MAGI2: variants seen among roughly 807,000 people sequenced by gnomAD.
The protein encoded by MAGI2 is membrane-associated guanylate kinase, WW and PDZ domain-containing protein 2.
Under a neutral mutation model 133.3 loss-of-function variants are expected in MAGI2, and 35 were observed. The ratio of observed to expected loss-of-function variants is 0.26; its 90% CI spans 0.20 to 0.35. The LOEUF (loss-of-function observed/expected upper bound fraction) is 0.35, where lower values mean the gene tolerates loss of function less well. Among genes scored for constraint, MAGI2 ranks in the 10% least tolerant of loss-of-function variants. The pLI is 1.00. For synonymous variants in MAGI2, 729 were observed against 710.6 expected (o/e 1.03, Z -0.41); for missense variants, 1,636 against 1,863.4 (o/e 0.88, Z 2.25).
chr7:79,034,515 T>A (rs980999579), intron 1 of MAGI2, among the ~76,000 whole-genome samples: 21 of 152,194 alleles, frequency 1.4e-4, no homozygotes, highest in Admixed American at 1.4e-3. Flanking sequence ...CCCATGTAAT[T>A]TGTATTTCCT....
chr7:79,390,202 A>C (rs1044935412), intron 1 of MAGI2, among the ~76,000 whole-genome samples: 2 of 152,128 alleles, frequency 1.3e-5, no homozygotes, highest in African/African-American at 4.8e-5. Flanking sequence ...ATGGCTCCTA[A>C]AAATGTCTGA....
At chr7:78,668,878 C>A (rs1037855612) in intron 2 of MAGI2, among the ~76,000 whole-genome samples, 41 of 151,530 alleles carry the variant, frequency 2.7e-4, no homozygotes, top group Non-Finnish European at 5.6e-4. Flanking sequence ...CCAATGAGAA[C>A]AAAGACACAA....
rs1398556724 is a variant in MAGI2 at position 78,669,465 on chromosome 7, G to A, written c.419-42226C>T. Among the ~76,000 whole-genome samples, 4 of 152,222 alleles carry A rather than the reference G, an allele frequency of 2.6e-5. No individual in the cohort carries two copies. The East Asian group carries it at 7.7e-4, about 29-fold the overall frequency. On this transcript the variant is annotated intron_variant, in intron 2 of 21. Coordinates refer to ENST00000354212, the MANE Select transcript of MAGI2 (RefSeq NM_012301.4). The stretch of plus-strand genomic sequence containing the variant: ...GCCAAAAAGAGTCCAGGACCAGATG[G>A]ATTCACAGCCAAATTCTACCAGAGG...
chr7:78,277,884 T>C (rs1467209406), intron 9 of MAGI2, among the ~76,000 whole-genome samples: 2 of 151,866 alleles, frequency 1.3e-5, no homozygotes, highest in East Asian at 3.9e-4. Flanking sequence ...AGGTAGAAAA[T>C]GCATAGAAAA....
chr7:78,132,923 G>T lies in MAGI2; in HGVS notation c.3169C>A (p.Pro1057Thr), dbSNP rs778616342. The change falls in exon 18 of 22, where the codon CCT becomes ACT. Residue 1057 changes from proline to threonine, a missense_variant. Physicochemically the swap from Pro to Thr is conservative, Grantham distance 38. This residue lies in a region of MAGI2 where 920 missense variants were observed against 1,093.5 expected (regional missense o/e 0.84). Transcript: ENST00000354212. The stretch of plus-strand genomic sequence containing the variant: ...TGTCCTTGCAGCTGAAGTGGTTGAG[G>T]TGGTGCTGGCTGGGCGATGGGGCTG... ...PNSPIAQPAP[P>T]QPLQLQGHEN... 6.2e-7 allele frequency: 1 copy of T among 1,614,052 alleles called. No homozygotes were observed. The highest frequency in any genetic ancestry group is 8.5e-7 in the Non-Finnish European group (1 of 1,179,984).
At chr7:79,007,233 AG>A in intron 1 of MAGI2, 27 bp from the exon 2 acceptor site, 1 of 1,352,298 alleles carries the variant, frequency 7.4e-7, no homozygotes. Flanking sequence ...TTTCTTGGTA[AG>A]GGATGTTGGA....
intron 2 of MAGI2, among the ~76,000 whole-genome samples, chr7:78,646,981 T>C (rs1023969031): frequency 5.3e-5 from 8 of 152,206 alleles, no homozygotes; most frequent in Non-Finnish European, 1.0e-4. Flanking sequence ...TAAATTACTA[T>C]AACCGCCTTG....
chr7:78,114,009 A>G (rs1383712732), intron 20 of MAGI2, among the ~76,000 whole-genome samples: 2 of 152,172 alleles, frequency 1.3e-5, no homozygotes, highest in Admixed American at 6.5e-5. Flanking sequence ...CTGGTATTTG[A>G]TCAAAGCTAT....
intron 6 of MAGI2, chr7:78,485,064 T>C (rs1792842052): frequency 6.6e-6 from 1 of 151,986 alleles, no homozygotes; most frequent in Non-Finnish European, 1.5e-5. Flanking sequence ...CCAGCAATGC[T>C]CATGGGATGT....
Position 78,905,344 on chromosome 7 carries a change from G to C in MAGI2, c.418+101746C>G, listed in dbSNP as rs373125177. 2.6e-4 allele frequency among the ~76,000 whole-genome samples: 39 copies of C among 152,274 alleles called. No homozygotes were observed. In the Middle Eastern group the frequency reaches 0.01, roughly 40 times the overall value. ...TCACTCCTCTCACCTTGACCCCAAG[G>C]TTAGGAGCAACTTAAATTAGTAATC... On this transcript the variant is annotated intron_variant, in intron 2 of 21. Coordinates refer to ENST00000354212, the MANE Select transcript of MAGI2 (RefSeq NM_012301.4).
intron 6 of MAGI2, among the ~76,000 whole-genome samples, chr7:78,450,787 C>T (rs540433350): frequency 6.6e-6 from 1 of 152,044 alleles, no homozygotes; most frequent in Non-Finnish European, 1.5e-5. Flanking sequence ...CTAAGGTCAT[C>T]CCAACTCTTC....
At chr7:78,366,415 T>C (rs1303472679) in intron 7 of MAGI2, among the ~76,000 whole-genome samples, 1 of 152,160 alleles carries the variant, frequency 6.6e-6, no homozygotes, top group Non-Finnish European at 1.5e-5. Flanking sequence ...GTTGACTTTC[T>C]TCTTCCAACA....
rs886687979 is a variant in MAGI2, at chr7:78,937,174, G to A, written c.418+69916C>T. On this transcript the variant is annotated intron_variant, in intron 2 of 21. Coordinates refer to ENST00000354212, the MANE Select transcript of MAGI2 (RefSeq NM_012301.4). ...GTGATCATGTTCAAGGGGTACAGAA[G>A]CCAGTAGTCTGAAGGAAATCCCAAT... Among the ~76,000 whole-genome samples, 17 of 152,016 alleles carry A rather than the reference G, an allele frequency of 1.1e-4. No homozygotes were observed. In the East Asian group the frequency reaches 1.9e-3, roughly 17 times the overall value.
chr7:79,020,641 C>A (rs1339508716), intron 1 of MAGI2, among the ~76,000 whole-genome samples: 2 of 151,970 alleles, frequency 1.3e-5, no homozygotes, highest in Non-Finnish European at 2.9e-5. Context: ...TGGCGGGCTC[C>A]TGTAGTCCCA....
chr7:78,089,242 C>T (rs1816946896), intron 20 of MAGI2, among the ~76,000 whole-genome samples: 1 of 152,182 alleles, frequency 6.6e-6, no homozygotes. Context: ...TCTCTTTCTG[C>T]CCTCTGATCT....
intron 4 of MAGI2, among the ~76,000 whole-genome samples, chr7:78,521,003 T>G (rs1053358612): frequency 2.6e-5 from 4 of 152,160 alleles, no homozygotes; most frequent in African/African-American, 4.8e-5. Flanking sequence ...CTGAGAGAAG[T>G]GCAAGCATAG....
intron 2 of MAGI2, among the ~76,000 whole-genome samples, chr7:78,704,074 G>T (rs2151157613): frequency 6.6e-6 from 1 of 152,172 alleles, no homozygotes; most frequent in East Asian, 1.9e-4. Context: ...TTGACAAATA[G>T]GACCTAATTA....
At chr7:78,934,063 A>G (rs1584436236) in intron 2 of MAGI2, among the ~76,000 whole-genome samples, 1 of 152,134 alleles carries the variant, frequency 6.6e-6, no homozygotes, top group African/African-American at 2.4e-5. Flanking sequence ...CAGGTTTTCT[A>G]CTAATGATAC....
At chr7:79,257,822 G>A (rs1485454022) in intron 1 of MAGI2, among the ~76,000 whole-genome samples, 1 of 151,960 alleles carries the variant, frequency 6.6e-6, no homozygotes, top group East Asian at 1.9e-4. Flanking sequence ...GAATAAATAA[G>A]AGACACACAG....
Sources: gnomAD v4.1 joint callset for allele counts (sites outside exome capture counted in the v4.1 genomes callset) on GRCh38, gnomAD v4.1.1 for gene constraint, gnomAD v4.1.1 regional missense constraint, MANE v1.5 for transcripts, NCBI Gene and HGNC (gene_info 2026-07-23, HGNC 2026-07-21) for gene names.